The following DPP10 variants were observed in gnomAD, a reference collection of about 807,000 sequenced individuals.
The protein encoded by DPP10 is inactive dipeptidyl peptidase 10.
Under a neutral mutation model 120.9 loss-of-function variants are expected in DPP10, and 33 were observed. The ratio of observed to expected loss-of-function variants is 0.27; its 90% CI spans 0.21 to 0.37. The LOEUF (loss-of-function observed/expected upper bound fraction) is 0.37, where lower values mean the gene tolerates loss of function less well. Among genes scored for constraint, DPP10 ranks in the 10% least tolerant of loss-of-function variants. DPP10 has a pLI of 1.00. For missense variants in DPP10, 816 were observed against 942.8 expected, an observed-to-expected ratio of 0.87 and a Z score of 1.76; for synonymous variants, 337 against 326.1, an observed-to-expected ratio of 1.03 and a Z score of -0.36.
intron 1 of DPP10, among the ~76,000 whole-genome samples, chr2:114,849,983 C>T (rs922681212): frequency 6.6e-6 from 1 of 150,582 alleles, no homozygotes; most frequent in Non-Finnish European, 1.5e-5. Flanking sequence ...TCTCCCTCCC[C>T]TCTCCTCCCC....
At chr2:115,393,193 A>T (rs1317615371) in intron 3 of DPP10, among the ~76,000 whole-genome samples, 1 of 151,874 alleles carries the variant, frequency 6.6e-6, no homozygotes, top group Non-Finnish European at 1.5e-5. Context: ...CGTGCTTGTG[A>T]TCCCAGCTGC....
chr2:115,014,453 A>G (rs1702488421), intron 1 of DPP10, among the ~76,000 whole-genome samples: 1 of 152,146 alleles, frequency 6.6e-6, no homozygotes, highest in Non-Finnish European at 1.5e-5. Flanking sequence ...ACAAGAGCAA[A>G]CAAATTCAAA....
At chr2:115,481,522 G>T (rs1339160943) in intron 3 of DPP10, among the ~76,000 whole-genome samples, 1 of 152,002 alleles carries the variant, frequency 6.6e-6, no homozygotes, top group South Asian at 2.1e-4. Flanking sequence ...TTCTTCACTG[G>T]GTTCAATGAG....
At chr2:115,144,575 T>G (rs2051116322) in intron 1 of DPP10, among the ~76,000 whole-genome samples, 1 of 145,380 alleles carries the variant, frequency 6.9e-6, no homozygotes, top group South Asian at 2.1e-4. Context: ...AGGTGCAGGC[T>G]AAAACCTTTC....
chr2:115,114,566 A>AC (rs2049400836), intron 1 of DPP10, among the ~76,000 whole-genome samples: 2 of 151,976 alleles, frequency 1.3e-5, no homozygotes, highest in African/African-American at 4.8e-5. Context: ...GCCACCAAAC[A>AC]CCCCACTTTT....
intron 1 of DPP10, among the ~76,000 whole-genome samples, chr2:115,189,591 C>T (rs987195124): frequency 6.6e-6 from 1 of 152,146 alleles, no homozygotes; most frequent in African/African-American, 2.4e-5. Context: ...TAACAATCCC[C>T]CATCTTGAAT....
At chr2:114,639,345 T>C (rs1044716990) in intron 1 of DPP10, among the ~76,000 whole-genome samples, 5 of 151,902 alleles carry the variant, frequency 3.3e-5, no homozygotes, top group Non-Finnish European at 7.4e-5. Context: ...TTCAGTTACC[T>C]TCCACTGGGT....
At chr2:115,762,054 C>G (rs1310270932) in intron 11 of DPP10, among the ~76,000 whole-genome samples, 2 of 152,114 alleles carry the variant, frequency 1.3e-5, no homozygotes, top group Non-Finnish European at 2.9e-5. Flanking sequence ...TGAAGGGACA[C>G]ATAATTTTGT....
At chr2:114,545,862 G>A (rs1056751341) in intron 1 of DPP10, among the ~76,000 whole-genome samples, 8 of 152,158 alleles carry the variant, frequency 5.3e-5, no homozygotes, top group African/African-American at 1.7e-4. Flanking sequence ...TGGAGCAAAT[G>A]TTACTCATGT....
At chr2:114,538,226 G>A (rs1430851713) in intron 1 of DPP10, among the ~76,000 whole-genome samples, 1 of 152,188 alleles carries the variant, frequency 6.6e-6, no homozygotes, top group African/African-American at 2.4e-5. Context: ...TACTGACCTG[G>A]TATCCAAGGG....
At chr2:115,778,837 G>A (rs758032924) in intron 15 of DPP10, among the ~76,000 whole-genome samples, 44 of 151,848 alleles carry the variant, frequency 2.9e-4, no homozygotes, top group Non-Finnish European at 5.0e-4. Flanking sequence ...GTTTATTCTC[G>A]TGGACCTCCT....
chr2:114,589,107 C>T (rs2105144158), intron 1 of DPP10, among the ~76,000 whole-genome samples: 1 of 151,766 alleles, frequency 6.6e-6, no homozygotes, highest in African/African-American at 2.4e-5. Flanking sequence ...TAGCACCTTA[C>T]TAGTGAGCAT....
chr2:115,077,600 A>T (rs1559066331), intron 1 of DPP10, among the ~76,000 whole-genome samples: 1 of 152,224 alleles, frequency 6.6e-6, no homozygotes, highest in African/African-American at 2.4e-5. Context: ...TCAAATTATG[A>T]ATCCTAAAGA....
intron 12 of DPP10, among the ~76,000 whole-genome samples, chr2:115,764,210 T>C (rs1464750526): frequency 5.3e-5 from 8 of 152,084 alleles, no homozygotes; most frequent in Non-Finnish European, 8.8e-5. Flanking sequence ...GAATTCAATA[T>C]GTAAGAATTC....
intron 1 of DPP10, among the ~76,000 whole-genome samples, chr2:114,754,947 T>C (rs530958828): frequency 3.3e-5 from 5 of 152,346 alleles, no homozygotes; most frequent in South Asian, 2.1e-4. Flanking sequence ...TTTATATAAA[T>C]GGTTAACTTT....
intron 1 of DPP10, among the ~76,000 whole-genome samples, chr2:114,655,123 TAAC>T (rs1696878200): frequency 6.6e-6 from 1 of 152,158 alleles, no homozygotes; most frequent in Admixed American, 6.5e-5. Flanking sequence ...AGACAATGGA[TAAC>T]AACGACACAG....
chr2:115,116,305 C>A (rs547220173), intron 1 of DPP10, among the ~76,000 whole-genome samples: 10 of 152,106 alleles, frequency 6.6e-5, no homozygotes, highest in African/African-American at 9.7e-5. Flanking sequence ...TACACAGTGC[C>A]ATTACATAGC....
At chr2:114,601,771 G>T (rs1397567666) in intron 1 of DPP10, among the ~76,000 whole-genome samples, 1 of 151,866 alleles carries the variant, frequency 6.6e-6, no homozygotes, top group South Asian at 2.1e-4. Flanking sequence ...ATTGATGAGG[G>T]CATTAAGTTC....
chr2:115,554,696 T>C (rs1309506495), intron 5 of DPP10, among the ~76,000 whole-genome samples: 1 of 152,072 alleles, frequency 6.6e-6, no homozygotes, highest in African/African-American at 2.4e-5. Context: ...CACACATAAG[T>C]CTTTTAAAAA....
Sources: allele counts gnomAD v4.1 joint callset (sites outside exome capture counted in the v4.1 genomes callset), GRCh38; gene constraint gnomAD v4.1.1; transcripts MANE v1.5; gene names NCBI Gene and HGNC (gene_info 2026-07-23, HGNC 2026-07-21).